Variants in IGF2R observed in about 807,000 individuals in gnomAD.
IGF2R encodes cation-independent mannose-6-phosphate receptor.
In IGF2R, 91 loss-of-function variants were observed where a neutral mutation model predicts 270.6. The observed-to-expected ratio is 0.34, with a 90% CI of 0.28 to 0.40. The LOEUF is 0.40. Among genes scored for constraint, IGF2R ranks in the 10% least tolerant of loss-of-function variants. The pLI, the probability that IGF2R is intolerant of heterozygous loss-of-function variation, is 1.00. For missense variants in IGF2R, 2,805 were observed against 3,188.3 expected (o/e 0.88, Z 2.90); for synonymous variants, 1,316 against 1,258.9 (o/e 1.05, Z -0.96).
chr6:160,044,537 G>A lies in IGF2R; in HGVS notation c.1645G>A (p.Gly549Arg). The A allele has an allele frequency of 6.2e-7, 1 of 1,606,874 alleles. No homozygotes were observed. The highest frequency in any genetic ancestry group is 8.5e-7 in the Non-Finnish European group (1 of 1,175,784). The part of the protein sequence containing the change: ...AVDKNGSKNL[G>R]KFISSPMKEK... The stretch of plus-strand genomic sequence containing the variant: ...AGATAAAAATGGAAGTAAAAATCTG[G>A]GAAAATTTATTTCCTCTCCCATGAA... The change falls in exon 13 of 48, where the codon GGA (glycine) becomes AGA (arginine). Residue 549 changes from glycine (G) to arginine (R), a missense_variant. Coordinates refer to ENST00000356956, the MANE Select transcript of IGF2R (RefSeq NM_000876.4).
chr6:160,079,799 C>T lies in IGF2R; in HGVS notation c.5686+12C>T, dbSNP rs766618407. On this transcript the variant is annotated intron_variant, in intron 38 of 47. Transcript: ENST00000356956. ...TCGTTGCCCTCCAGGTAAATATTTGCAATGAGGTAAATAAACTTCAAGCTC... is the reference window on the plus strand; with the variant it reads ...TCGTTGCCCTCCAGGTAAATATTTGTAATGAGGTAAATAAACTTCAAGCTC... 4.8e-6 allele frequency: 7 copies of T among 1,447,286 alleles called. No homozygotes were observed. The East Asian group carries it at 1.7e-4, about 36-fold the overall frequency. 89.7% of individuals were successfully genotyped at this position (1,447,286 alleles called of 1,614,324 possible).
chr6:160,000,728 G>GTTTTTTTTTTTTTTTTTT (rs59215791), intron 2 of IGF2R, among the ~76,000 whole-genome samples: 9 of 69,962 alleles, frequency 1.3e-4, no homozygotes, highest in African/African-American at 5.4e-4. Flanking sequence ...GTGTGAGGTT[G>GTTTTTTTTTTTTTTTTTT]TTTTTTTTTT....
chr6:159,980,228 A>AAAGAAAGAAAG (rs1783773388), intron 1 of IGF2R, among the ~76,000 whole-genome samples: 1 of 135,050 alleles, frequency 7.4e-6, no homozygotes, highest in Non-Finnish European at 1.6e-5. Flanking sequence ...AGAAAGAAAG[A>AAAGAAAGAAAG]AAGAAAGAAA....
At chr6:160,048,269 G>A in intron 17 of IGF2R, 106 bp from the exon 18 acceptor site, 1 of 1,066,198 alleles carries the variant, frequency 9.4e-7, no homozygotes, top group Non-Finnish European at 1.4e-6. Context: ...GTGATTGGTG[G>A]AGCATGTTTT....
At chr6:160,051,653 AG>A (rs1355431426) in intron 19 of IGF2R, among the ~76,000 whole-genome samples, 1 of 152,196 alleles carries the variant, frequency 6.6e-6, no homozygotes, top group Non-Finnish European at 1.5e-5. Flanking sequence ...AATACAAAAC[AG>A]GAATAAGAAA....
In IGF2R at chr6:160,050,012, G is replaced by A. The variant is rs1324404645; in HGVS notation, c.2515-461G>A. The stretch of plus-strand genomic sequence containing the variant: ...GGGGATTGTTTATTGGTAGAAGAGT[G>A]CAGGGTGAAGTCATCGGATGGGGAG... On this transcript the variant is annotated intron_variant, in intron 18 of 47. Transcript: ENST00000356956. The surrounding 1 kb of genome is among the most constrained non-coding windows in gnomAD (Gnocchi z 4.0). 6.6e-6 allele frequency among the ~76,000 whole-genome samples: 1 copy of A among 152,216 alleles called. No individual in the cohort carries two copies. The highest frequency in any genetic ancestry group is 1.5e-5 in the Non-Finnish European group (1 of 68,048).
At chr6:160,056,691 C>T (rs138212578) in intron 20 of IGF2R, among the ~76,000 whole-genome samples, 166 bp downstream of exon 20, 13 of 152,312 alleles carry the variant, frequency 8.5e-5, no homozygotes, top group Admixed American at 5.9e-4. Flanking sequence ...CTCTCCACTC[C>T]GCAGCTCCCA....
intron 25 of IGF2R, among the ~76,000 whole-genome samples, chr6:160,062,292 G>A (rs184768052): frequency 9.9e-4 from 148 of 149,172 alleles, no homozygotes; most frequent in Middle Eastern, 3.4e-3. Flanking sequence ...TCCTGCCTCA[G>A]CCTCCCGAGT....
chr6:160,078,662 G>C (rs1019604464), intron 37 of IGF2R, among the ~76,000 whole-genome samples: 1 of 152,206 alleles, frequency 6.6e-6, no homozygotes, highest in South Asian at 2.1e-4. Flanking sequence ...ACAGAGGGCA[G>C]GTGGGGCAGC....
chr6:160,014,631 C>A (rs1006884031), intron 4 of IGF2R, among the ~76,000 whole-genome samples: 1 of 152,226 alleles, frequency 6.6e-6, no homozygotes, highest in Non-Finnish European at 1.5e-5. Context: ...CATCTTGCTC[C>A]CTTTTCCATC....
intron 2 of IGF2R, among the ~76,000 whole-genome samples, chr6:160,000,967 C>T (rs934774204): frequency 6.6e-6 from 1 of 151,820 alleles, no homozygotes; most frequent in Non-Finnish European, 1.5e-5. Context: ...GAACTCCTGA[C>T]CTCAAGTGAT....
rs775007974 is a variant in IGF2R, at chr6:160,029,553, T to C, written c.780T>C (p.Leu260=). ...TTTCTCAATGTGGCTCTCCCAGGCT[T>C]GTCCTGAGTTACGTGAGGGAAGAGG... ...DGLKLVRKDR[L]VLSYVREEAG... The change falls in exon 7 of 48, where the codon CTT becomes CTC. Residue 260 remains leucine (L), a synonymous_variant. Coordinates refer to ENST00000356956, the MANE Select transcript of IGF2R (RefSeq NM_000876.4). 3 of 1,609,974 alleles carry C rather than the reference T, an allele frequency of 1.9e-6. No homozygotes were observed. The highest frequency in any genetic ancestry group is 2.2e-5 in the South Asian group (2 of 90,976).
intron 1 of IGF2R, among the ~76,000 whole-genome samples, chr6:159,970,351 GTTACTT>G (rs1350553762): frequency 6.6e-6 from 1 of 152,002 alleles, no homozygotes; most frequent in Non-Finnish European, 1.5e-5. Flanking sequence ...CCCTGTTACT[GTTACTT>G]TTACAAGTTA....
At chr6:160,065,945 TCTC>T (rs1200224425) in intron 29 of IGF2R, among the ~76,000 whole-genome samples, 1 of 148,746 alleles carries the variant, frequency 6.7e-6, no homozygotes, top group African/African-American at 2.5e-5. Context: ...TTCAAGCAAT[TCTC>T]CTGTCTCAGC....
At position 160,090,121 on chromosome 6, in the gene IGF2R, A is replaced by T; in HGVS notation, c.6655+18A>T. On this transcript the variant is annotated intron_variant, in intron 44 of 47. Coordinates refer to ENST00000356956, the MANE Select transcript of IGF2R (RefSeq NM_000876.4). ...CCTTCAAGGTAATCCGTGGCTTCCC[A>T]CAAAGTTCCACATTTAACTTCCTCC... 3 of 1,423,462 alleles carry T rather than the reference A, an allele frequency of 2.1e-6. No individual in the cohort carries two copies. 88.2% of individuals were successfully genotyped at this position (1,423,462 alleles called of 1,614,324 possible).
chr6:160,026,247 A>G (rs1428043853), intron 5 of IGF2R, among the ~76,000 whole-genome samples: 1 of 152,192 alleles, frequency 6.6e-6, no homozygotes, highest in African/African-American at 2.4e-5. Flanking sequence ...CCATTTGTGA[A>G]ATTTCATAAT....
chr6:160,103,741 T>TA lies in IGF2R; in HGVS notation c.6996-4dup, dbSNP rs756866308. On this transcript the variant is annotated splice_polypyrimidine_tract_variant and splice_region_variant and intron_variant, in intron 46 of 47. Coordinates refer to ENST00000356956, the MANE Select transcript of IGF2R (RefSeq NM_000876.4). ...GAGTAATTATTGTCTCCTTTTTTTT[T>TA]ATAGGGAAACAGTGATAAGTAAGCT... 1.4e-5 allele frequency: 22 copies of TA among 1,602,704 alleles called. No homozygotes were observed. The highest frequency in any genetic ancestry group is 6.7e-5 in the East Asian group (3 of 44,786).
At chr6:160,066,012 GTT>G (rs561582188) in intron 29 of IGF2R, among the ~76,000 whole-genome samples, 20 of 118,326 alleles carry the variant, frequency 1.7e-4, no homozygotes, top group Non-Finnish European at 2.0e-4. Flanking sequence ...TTTTTGTGGT[GTT>G]TTTTTTTTTT....
In IGF2R at chr6:160,032,570, C is replaced by G. The variant is rs1445412501; in HGVS notation, c.902C>G (p.Thr301Arg). The change falls in exon 8 of 48, where the codon ACA becomes AGA. Residue 301 changes from threonine to arginine, a missense_variant. This residue lies in a region of IGF2R where 954 missense variants were observed against 981.1 expected (regional missense o/e 0.97). Transcript: ENST00000356956. ...ERREGTIPKLTAKSNCRYEIE... is the reference protein window; with the variant it reads ...ERREGTIPKLRAKSNCRYEIE... ...TGATAGGGCACCATTCCCAAACTCA[C>G]AGCTAAATCCAACTGCCGCTATGAA... 1 of 1,613,994 alleles carries G rather than the reference C, an allele frequency of 6.2e-7. No individual in the cohort carries two copies. The highest frequency in any genetic ancestry group is 8.5e-7 in the Non-Finnish European group (1 of 1,179,942).
Sources: allele counts gnomAD v4.1 joint callset (sites outside exome capture counted in the v4.1 genomes callset), GRCh38; gene constraint gnomAD v4.1.1; regional missense constraint gnomAD v4.1.1; non-coding constraint Gnocchi (gnomAD v3.1); transcripts MANE v1.5; gene names NCBI Gene and HGNC (gene_info 2026-07-23, HGNC 2026-07-21).